RABGAP1L: variants seen among roughly 807,000 people sequenced by gnomAD.
RABGAP1L encodes the protein RAB GTPase activating protein 1 like.
A neutral mutation model predicts 137.7 loss-of-function variants in RABGAP1L; 63 were observed. The ratio of observed to expected loss-of-function variants is 0.46; its 90% CI spans 0.37 to 0.56. The LOEUF is 0.56. Ranked by LOEUF, RABGAP1L falls within the 20% of genes least tolerant of loss-of-function variation. The probability of loss-of-function intolerance (pLI) is 0.00; values close to 1 mark genes in which losing one functional copy is unlikely to be tolerated. For missense variants in RABGAP1L, 1,095 were observed against 1,244.0 expected, an observed-to-expected ratio of 0.88 and a Z score of 1.80; for synonymous variants, 431 against 433.7, an observed-to-expected ratio of 0.99 and a Z score of 0.08.
chr1:174,523,396 G>A (rs958370946), intron 13 of RABGAP1L, among the ~76,000 whole-genome samples: 1 of 152,066 alleles, frequency 6.6e-6, no homozygotes, highest in Non-Finnish European at 1.5e-5. Flanking sequence ...ATAAGACTAT[G>A]CAGGGAAGAG....
intron 1 of RABGAP1L, among the ~76,000 whole-genome samples, chr1:174,185,450 T>C (rs1000190126): frequency 5.9e-5 from 9 of 152,212 alleles, no homozygotes; most frequent in Admixed American, 4.6e-4. Context: ...TGAATAAATA[T>C]AAAATTATAC....
At chr1:174,974,914 C>T (rs74128526) in intron 21 of RABGAP1L, among the ~76,000 whole-genome samples, 17,814 of 152,296 alleles carry the variant, frequency 0.12, 3,460 homozygotes, top group African/African-American at 0.4. Context: ...TGGCAGAAGA[C>T]GGACAGAAGG....
At chr1:174,582,390 G>A (rs1051876592) in intron 13 of RABGAP1L, among the ~76,000 whole-genome samples, 5 of 152,134 alleles carry the variant, frequency 3.3e-5, no homozygotes, top group Non-Finnish European at 4.4e-5. Flanking sequence ...GCTGCAAAGA[G>A]ATGAGATGAA....
At chr1:174,611,415 A>G (rs530187573) in intron 13 of RABGAP1L, among the ~76,000 whole-genome samples, 88 of 151,902 alleles carry the variant, frequency 5.8e-4, no homozygotes, top group African/African-American at 2.1e-3. Context: ...ATTGGTCTAT[A>G]TCTCTCTTTT....
At chr1:174,241,030 G>A (rs976184590) in intron 4 of RABGAP1L, among the ~76,000 whole-genome samples, 3 of 151,962 alleles carry the variant, frequency 2.0e-5, no homozygotes, top group Admixed American at 1.3e-4. Context: ...TTTTAAGATA[G>A]TTATGTTTGG....
intron 13 of RABGAP1L, among the ~76,000 whole-genome samples, chr1:174,517,773 T>G (rs1662999097): frequency 6.6e-6 from 1 of 152,242 alleles, no homozygotes; most frequent in Non-Finnish European, 1.5e-5. Context: ...AAATTCCTTC[T>G]TATTATTTTA....
intron 21 of RABGAP1L, 27 bp from the exon 22 acceptor site, chr1:174,976,040 GACTGTGATGTA>G (rs1230046948): frequency 2.1e-6 from 2 of 940,476 alleles, no homozygotes; most frequent in South Asian, 1.8e-5. Context: ...CCCTCTGTAT[GACTGTGATGTA>G]TGACTGTGAT....
intron 4 of RABGAP1L, among the ~76,000 whole-genome samples, chr1:174,238,548 C>T (rs1421889728): frequency 6.6e-6 from 1 of 152,020 alleles, no homozygotes; most frequent in Non-Finnish European, 1.5e-5. Flanking sequence ...CAGTGTGCCT[C>T]TGCTGGGGGG....
chr1:174,854,802 A>T (rs928426857), intron 19 of RABGAP1L, among the ~76,000 whole-genome samples: 7 of 114,792 alleles, frequency 6.1e-5, no homozygotes, highest in African/African-American at 2.4e-4. Context: ...GAGCGCAGTG[A>T]TCTTGGCTCA....
intron 18 of RABGAP1L, among the ~76,000 whole-genome samples, chr1:174,806,127 G>A (rs1689278059): frequency 6.6e-6 from 1 of 152,078 alleles, no homozygotes; most frequent in African/African-American, 2.4e-5. Flanking sequence ...ACCTATTTTG[G>A]GTACTTGGTT....
intron 10 of RABGAP1L, among the ~76,000 whole-genome samples, chr1:174,304,532 A>G (rs148722710): frequency 0.014 from 2,081 of 152,186 alleles, 50 homozygotes; most frequent in African/African-American, 0.046. Flanking sequence ...TATAACAACT[A>G]TATCTGTGGC....
intron 13 of RABGAP1L, among the ~76,000 whole-genome samples, chr1:174,584,775 T>A (rs1282914427): frequency 6.6e-6 from 1 of 152,156 alleles, no homozygotes; most frequent in African/African-American, 2.4e-5. Flanking sequence ...TTTAAGAACT[T>A]CTTTTCTATC....
At chr1:174,511,773 C>T (rs1437834112) in intron 13 of RABGAP1L, among the ~76,000 whole-genome samples, 3 of 152,080 alleles carry the variant, frequency 2.0e-5, no homozygotes, top group African/African-American at 7.2e-5. Context: ...CAGGCATGCA[C>T]CACCACACCC....
chr1:174,393,786 T>A (rs964841404), intron 12 of RABGAP1L, among the ~76,000 whole-genome samples: 2 of 152,156 alleles, frequency 1.3e-5, no homozygotes, highest in African/African-American at 4.8e-5. Context: ...GGAGGTAGAA[T>A]TACCTGGTTC....
chr1:174,441,314 A>T (rs1654118360), intron 13 of RABGAP1L, among the ~76,000 whole-genome samples: 1 of 152,178 alleles, frequency 6.6e-6, no homozygotes, highest in African/African-American at 2.4e-5. Context: ...AAAAACAAAG[A>T]ATGCTTTATA....
At chr1:174,633,195 C>G (rs1316914823) in intron 13 of RABGAP1L, among the ~76,000 whole-genome samples, 1 of 149,770 alleles carries the variant, frequency 6.7e-6, no homozygotes, top group Admixed American at 6.7e-5. Context: ...TCTCAGGATA[C>G]AAAATCAATG....
intron 18 of RABGAP1L, among the ~76,000 whole-genome samples, chr1:174,753,982 A>G (rs1012227095): frequency 2.6e-5 from 4 of 152,196 alleles, no homozygotes; most frequent in African/African-American, 7.2e-5. Context: ...TATCAGACCT[A>G]TACCCTGTGT....
chr1:174,222,521 A>C (rs1346469320), intron 3 of RABGAP1L, among the ~76,000 whole-genome samples: 1 of 152,234 alleles, frequency 6.6e-6, no homozygotes. Context: ...GATAAAGAAC[A>C]AGCACTGGAT....
At chr1:174,527,186 A>G (rs1453131809) in intron 13 of RABGAP1L, among the ~76,000 whole-genome samples, 1 of 149,744 alleles carries the variant, frequency 6.7e-6, no homozygotes, top group Non-Finnish European at 1.5e-5. Flanking sequence ...GTCTGAGAAA[A>G]CATATGATTT....
Sources: allele counts gnomAD v4.1 joint callset (sites outside exome capture counted in the v4.1 genomes callset), GRCh38; gene constraint gnomAD v4.1.1; transcripts MANE v1.5; gene names NCBI Gene and HGNC (gene_info 2026-07-23, HGNC 2026-07-21).